The following EMC1 variants were observed in gnomAD, a reference collection of about 807,000 sequenced individuals.
EMC1 encodes ER membrane protein complex subunit 1, also known as KIAA0090.
A neutral mutation model predicts 128.8 loss-of-function variants in EMC1; 103 were observed. The ratio of observed to expected loss-of-function variants is 0.80; its 90% CI spans 0.68 to 0.94. EMC1 has a LOEUF of 0.94. Ranked by LOEUF, EMC1 falls within the 40% of genes least tolerant of loss-of-function variation. The pLI is 0.00. For synonymous variants in EMC1, 442 were observed against 490.4 expected, an observed-to-expected ratio of 0.90 and a Z score of 1.30; for missense variants, 1,083 against 1,250.6, an observed-to-expected ratio of 0.87 and a Z score of 2.02.
chr1:19,238,933 T>C (rs2093586391), intron 9 of EMC1, 76 bp from the exon 10 acceptor site: 2 of 1,097,764 alleles, frequency 1.8e-6, no homozygotes, highest in African/African-American at 3.2e-5. Context: ...GCTTTTGTTT[T>C]TGTCTTCTTA....
intron 12 of EMC1, among the ~76,000 whole-genome samples, chr1:19,235,573 C>T (rs1225624093): frequency 4.6e-5 from 7 of 152,034 alleles, no homozygotes; most frequent in African/African-American, 1.7e-4. Context: ...TGATGGTGGG[C>T]GCCTGTAGTT....
Position 19,216,270 on chromosome 1 carries a change from A to G in EMC1, c.*3033T>C, listed in dbSNP as rs200223222. 59 of 152,624 alleles carry G rather than the reference A, an allele frequency of 3.9e-4. No individual in the cohort carries two copies. Among genetic ancestry groups the G allele is most frequent in the East Asian group, 3.9e-3 (20 of 5,186 alleles). The allele number at this position is 152,624 out of a possible 1,614,324, so 9.5% of individuals were successfully genotyped here. ...AATTTATAAAGGCAGTGAAATTACA[A>G]TTATGAAATTTTCAAATTGAAAGAT... On this transcript the variant is annotated 3_prime_UTR_variant, in exon 23 of 23. Coordinates refer to ENST00000477853, the MANE Select transcript of EMC1 (RefSeq NM_015047.3).
intron 1 of EMC1, 111 bp downstream of exon 1, chr1:19,251,304 G>C (rs1423763950): frequency 3.0e-6 from 3 of 995,456 alleles, no homozygotes; most frequent in Middle Eastern, 2.1e-4. Flanking sequence ...TTTTGTACTG[G>C]GTCCTGCAAA....
intron 13 of EMC1, 95 bp from the exon 14 acceptor site, chr1:19,233,230 G>A (rs2093537966): frequency 9.0e-7 from 1 of 1,114,904 alleles, no homozygotes; most frequent in African/African-American, 1.6e-5. Flanking sequence ...CCTCTCCTCT[G>A]GAGCAATAAA....
chr1:19,240,349 A>C lies in EMC1; in HGVS notation c.734T>G (p.Leu245Arg). ...TTCCGTCTCCAGAGCCAAAGTTTGG[A>C]GGGAACGTGAGCTCGGGTCAGGACA... is the stretch of plus-strand genomic sequence containing the variant. Reference protein sequence around the residue: ...LVCPDPSSRSLQTLALETEWE... With the variant: ...LVCPDPSSRSRQTLALETEWE... The change falls in exon 7 of 23, where the codon CTC (leucine) becomes CGC (arginine). Residue 245 changes from leucine to arginine, a missense_variant. Transcript: ENST00000477853. 1 of 1,614,190 alleles carries C rather than the reference A, an allele frequency of 6.2e-7. No homozygotes were observed. Among genetic ancestry groups the C allele is most frequent in the South Asian group, 1.1e-5 (1 of 91,090 alleles).
At chr1:19,241,291 T>G (rs710868) in intron 5 of EMC1, 149 bp from the exon 6 acceptor site, 2 of 832,930 alleles carry the variant, frequency 2.4e-6, no homozygotes, top group African/African-American at 3.4e-5. Flanking sequence ...CTTTTGTTGT[T>G]GTTGTTCTTA....
At position 19,237,918 on chromosome 1, in the gene EMC1, GC is replaced by G. The variant is rs1223065204; in HGVS notation, c.1212+98del. Reference sequence around the variant, plus strand: ...GAGCACTAGAACACATGTTTAGAGAGCCTAATCCAAGCCCCATGGCTAAGAC... The same window carrying G: ...GAGCACTAGAACACATGTTTAGAGAGCTAATCCAAGCCCCATGGCTAAGAC... On this transcript the variant is annotated intron_variant, in intron 11 of 22. Transcript: ENST00000477853. 7 of 1,454,794 alleles carry G rather than the reference GC, an allele frequency of 4.8e-6. No homozygotes were observed. In the East Asian group the frequency reaches 1.7e-4, roughly 35 times the overall value. The allele number at this position is 1,454,794 out of a possible 1,614,324, so 90.1% of individuals were successfully genotyped here. A position where few individuals can be genotyped will look rare whatever the true frequency, so the allele number is the denominator to read the frequency against.
chr1:19,237,707 C>T (rs2093576314), intron 11 of EMC1, among the ~76,000 whole-genome samples: 2 of 152,154 alleles, frequency 1.3e-5, no homozygotes, highest in South Asian at 2.1e-4. Context: ...CTATGGTACT[C>T]GATCCCACCA....
At chr1:19,246,030 A>C (rs1158685025) in intron 1 of EMC1, among the ~76,000 whole-genome samples, 1 of 150,562 alleles carries the variant, frequency 6.6e-6, no homozygotes, top group Non-Finnish European at 1.5e-5. Context: ...GCTTGAGCCC[A>C]GGAGGTCGAG....
chr1:19,246,612 A>G (rs1205048801), intron 1 of EMC1, among the ~76,000 whole-genome samples: 1 of 151,746 alleles, frequency 6.6e-6, no homozygotes, highest in Admixed American at 6.6e-5. Context: ...GTAAAACTCC[A>G]TCTCTTATAA....
At chr1:19,237,107 G>A (rs1558105590) in intron 12 of EMC1, 35 bp downstream of exon 12, 12 of 1,476,656 alleles carry the variant, frequency 8.1e-6, no homozygotes, top group Non-Finnish European at 1.1e-5. Context: ...AAGGCCTGGG[G>A]AAATAAAAAA....
At position 19,242,367 on chromosome 1, in the gene EMC1, A is replaced by C. The variant is rs1481879532; in HGVS notation, c.487T>G (p.Trp163Gly). Residue 163 changes from tryptophan to glycine, a missense_variant, in exon 5 of 23, where the codon TGG (tryptophan) becomes GGG (glycine). Trp to Gly is a radical substitution (Grantham distance 184, BLOSUM62 -2). Around this residue, in one of 3 missense-constraint regions of EMC1, gnomAD observed 544 missense variants for 572.4 expected, o/e 0.95. Transcript: ENST00000477853. ...TACCTTTCTGGGAGATGTTCCACCC[A>C]CTTGAGGTGCCCACTGGAGAGGTGA... is the stretch of plus-strand genomic sequence containing the variant. ...LHHLSSGHLK[W>G]VEHLPESDSI... 6.2e-7 allele frequency: 1 copy of C among 1,614,104 alleles called. No individual in the cohort carries two copies. Among genetic ancestry groups the C allele is most frequent in the South Asian group, 1.1e-5 (1 of 91,086 alleles).
At chr1:19,240,071 C>A in intron 7 of EMC1, 86 bp from the exon 8 acceptor site, 1 of 1,404,194 alleles carries the variant, frequency 7.1e-7, no homozygotes, top group Non-Finnish European at 9.6e-7. Context: ...CCCTACTTTG[C>A]CGGGGGAAGT....
intron 6 of EMC1, 53 bp from the exon 7 acceptor site, chr1:19,240,499 C>T: frequency 6.2e-7 from 1 of 1,601,520 alleles, no homozygotes; most frequent in Non-Finnish European, 8.6e-7. Context: ...TTACATTTCC[C>T]TCTCAGCCCA....
In EMC1 at chr1:19,240,430, G is replaced by A. The variant is rs766355680; in HGVS notation, c.653C>T (p.Pro218Leu). The change falls in exon 7 of 23, where the codon CCG becomes CTG. Residue 218 changes from proline to leucine, a missense_variant. By Grantham distance (98) the Pro-to-Leu change is moderately conservative. Coordinates refer to ENST00000477853, the MANE Select transcript of EMC1 (RefSeq NM_015047.3). Reference sequence around the variant, plus strand: ...GGCTCCAGACAGGTGCTGCAGCCACGGAGTTGAAACCCTAACCTACAGAAA... The same window carrying A: ...GGCTCCAGACAGGTGCTGCAGCCACAGAGTTGAAACCCTAACCTACAGAAA... Reference protein sequence around the residue: ...EIVQQVRVSTPWLQHLSGACG... With the variant: ...EIVQQVRVSTLWLQHLSGACG... The A allele has an allele frequency of 9.9e-6, 16 of 1,614,042 alleles. No homozygotes were observed. Among genetic ancestry groups the A allele is most frequent in the Middle Eastern group, 1.6e-4 (1 of 6,084 alleles).
In EMC1 at chr1:19,240,977, AC is replaced by A. The variant is rs1572022673; in HGVS notation, c.636+38del. On this transcript the variant is annotated intron_variant, in intron 6 of 22. Transcript: ENST00000477853. Reference sequence around the variant, plus strand: ...AAAGAAATCTATCAAGTCTCCCCCAACCCCACCTTATTCACAGGCTCCTGTC... The same window carrying A: ...AAAGAAATCTATCAAGTCTCCCCCAACCCACCTTATTCACAGGCTCCTGTC... 2.5e-6 allele frequency: 4 copies of A among 1,607,922 alleles called. No individual in the cohort carries two copies. In the African/African-American group the frequency reaches 4.0e-5, roughly 16 times the overall value.
Position 19,216,290 on chromosome 1 carries a change from A to T in EMC1, c.*3013T>A, listed in dbSNP as rs1052609511. On this transcript the variant is annotated 3_prime_UTR_variant, in exon 23 of 23. Transcript: ENST00000477853. ...TTACAATTATGAAATTTTCAAATTG[A>T]AAGATGCCTTACGGAGCACATAACA... is the stretch of plus-strand genomic sequence containing the variant. 6.6e-6 allele frequency: 1 copy of T among 152,262 alleles called. No homozygotes were observed. Among genetic ancestry groups the T allele is most frequent in the African/African-American group, 2.4e-5 (1 of 41,452 alleles). The allele number at this position is 152,262 out of a possible 1,614,324, so 9.4% of individuals were successfully genotyped here. A position where few individuals can be genotyped will look rare whatever the true frequency, so the allele number is the denominator to read the frequency against.
At chr1:19,241,557 C>T (rs2093606039) in intron 5 of EMC1, among the ~76,000 whole-genome samples, 1 of 152,150 alleles carries the variant, frequency 6.6e-6, no homozygotes, top group Non-Finnish European at 1.5e-5. Flanking sequence ...CTCTGTCACC[C>T]AGGCTGCAGT....
intron 18 of EMC1, among the ~76,000 whole-genome samples, chr1:19,224,466 G>A (rs938531437): frequency 2.6e-5 from 4 of 152,234 alleles, no homozygotes; most frequent in African/African-American, 9.6e-5. Context: ...CCATACATCA[G>A]TGGCTCAGAC....
Sources: gnomAD v4.1 joint callset for allele counts (sites outside exome capture counted in the v4.1 genomes callset) on GRCh38, gnomAD v4.1.1 for gene constraint, gnomAD v4.1.1 regional missense constraint, MANE v1.5 for transcripts, NCBI Gene and HGNC (gene_info 2026-07-23, HGNC 2026-07-21) for gene names.